RASEF: variants seen among roughly 807,000 people sequenced by gnomAD.
The protein encoded by RASEF is ras and EF-hand domain-containing protein.
RASEF carries 68 observed loss-of-function variants against 90.1 expected under a neutral mutation model. That is an observed-to-expected ratio of 0.75 (90% confidence interval 0.62 to 0.92). The LOEUF (loss-of-function observed/expected upper bound fraction) is 0.92, where lower values mean the gene tolerates loss of function less well. Ranked by LOEUF, RASEF falls within the 40% of genes least tolerant of loss-of-function variation. The pLI, the probability that RASEF is intolerant of heterozygous loss-of-function variation, is 0.00. For synonymous variants in RASEF, 331 were observed against 345.2 expected (o/e 0.96, Z 0.46); for missense variants, 949 against 937.2 (o/e 1.01, Z -0.16).
At chr9:83,084,907 AT>A in the RASEF span, among the ~76,000 whole-genome samples, 1 of 152,170 alleles carries the variant, frequency 6.6e-6, no homozygotes, top group Non-Finnish European at 1.5e-5. Context: ...TCTCATCATA[AT>A]TGTTTTGAAC....
chr9:83,211,474 G>A, the RASEF span, among the ~76,000 whole-genome samples: 1 of 152,112 alleles, frequency 6.6e-6, no homozygotes, highest in South Asian at 2.1e-4. Flanking sequence ...CTGTAGCAAA[G>A]TCAAAGAACG....
chr9:82,995,537 T>G (rs775458974), intron 14 of RASEF, among the ~76,000 whole-genome samples: 58 of 152,060 alleles, frequency 3.8e-4, no homozygotes, highest in Non-Finnish European at 6.5e-4. Flanking sequence ...CTCGACCTCC[T>G]AGGGCTCAGG....
At chr9:83,064,422 T>C (rs973823239), upstream of RASEF, among the ~76,000 whole-genome samples, 6 of 152,230 alleles carry the variant, frequency 3.9e-5, no homozygotes, top group African/African-American at 1.4e-4. Context: ...TAAGTTGTTA[T>C]TGATTTTGAG....
the RASEF span, among the ~76,000 whole-genome samples, chr9:83,214,322 T>G: frequency 6.6e-6 from 1 of 152,070 alleles, no homozygotes; most frequent in African/African-American, 2.4e-5. Flanking sequence ...GAGGCAGAGG[T>G]TGGAATGAGT....
At chr9:83,023,998 C>T (rs907994920) in intron 2 of RASEF, among the ~76,000 whole-genome samples, 4 of 152,208 alleles carry the variant, frequency 2.6e-5, no homozygotes, top group African/African-American at 9.7e-5. Flanking sequence ...TAGTCCGGGG[C>T]TCCCTCCAGG....
At chr9:83,215,245 C>T in the RASEF span, among the ~76,000 whole-genome samples, 4 of 152,078 alleles carry the variant, frequency 2.6e-5, no homozygotes, top group Non-Finnish European at 5.9e-5. Flanking sequence ...CACATTCATC[C>T]TTCAAGCCCA....
intron 7 of RASEF, among the ~76,000 whole-genome samples, chr9:83,005,848 C>T (rs146442979): frequency 0.01 from 1,548 of 152,324 alleles, 11 homozygotes; most frequent in Middle Eastern, 0.027. Context: ...CCAGTTACCA[C>T]ATTTCAGAGG....
chr9:83,057,533 T>C (rs1318899864), intron 1 of RASEF, among the ~76,000 whole-genome samples: 1 of 152,046 alleles, frequency 6.6e-6, no homozygotes, highest in Non-Finnish European at 1.5e-5. Flanking sequence ...GAGATACAGA[T>C]ACAGACATAA....
chr9:83,042,334 T>G (rs895451632), intron 1 of RASEF, among the ~76,000 whole-genome samples: 2 of 152,152 alleles, frequency 1.3e-5, no homozygotes, highest in African/African-American at 4.8e-5. Flanking sequence ...TGGTGTGTAG[T>G]TTTTTAAGCA....
intron 1 of RASEF, among the ~76,000 whole-genome samples, chr9:83,047,585 A>C (rs1472793846): frequency 6.6e-6 from 1 of 152,194 alleles, no homozygotes; most frequent in African/African-American, 2.4e-5. Flanking sequence ...GGACATCCCA[A>C]TGCATTCACA....
At chr9:83,167,441 C>A in the RASEF span, among the ~76,000 whole-genome samples, 1 of 151,564 alleles carries the variant, frequency 6.6e-6, no homozygotes, top group Non-Finnish European at 1.5e-5. Flanking sequence ...GATGGAGACA[C>A]CAGCACGTTG....
chr9:83,083,786 T>C, the RASEF span, among the ~76,000 whole-genome samples: 3 of 152,126 alleles, frequency 2.0e-5, no homozygotes, highest in Non-Finnish European at 4.4e-5. Context: ...ATTAGAATAA[T>C]AAACTGGTAC....
intron 14 of RASEF, among the ~76,000 whole-genome samples, chr9:82,995,452 CTTT>C (rs985854722): frequency 6.6e-5 from 10 of 152,014 alleles, no homozygotes; most frequent in Non-Finnish European, 1.3e-4. Flanking sequence ...CTTGGGATTC[CTTT>C]TTATTTGAGA....
At chr9:83,025,723 G>A (rs928412540) in intron 2 of RASEF, 52 bp downstream of exon 2, 50 of 1,577,216 alleles carry the variant, frequency 3.2e-5, no homozygotes, top group Non-Finnish European at 4.2e-5. Context: ...ACCCAGGTCA[G>A]AGAGCAAGTT....
At chr9:83,209,993 C>A in the RASEF span, among the ~76,000 whole-genome samples, 1 of 152,154 alleles carries the variant, frequency 6.6e-6, no homozygotes, top group African/African-American at 2.4e-5. Flanking sequence ...CTAAATAACA[C>A]TAAATAGACA....
chr9:83,102,710 G>A, the RASEF span, among the ~76,000 whole-genome samples: 2 of 152,160 alleles, frequency 1.3e-5, no homozygotes, highest in Non-Finnish European at 1.5e-5. Flanking sequence ...GGGTAAGCAG[G>A]CTTAAGCTTG....
chr9:83,049,209 C>A (rs1829994934), intron 1 of RASEF: 6 of 553,568 alleles, frequency 1.1e-5, no homozygotes, highest in Non-Finnish European at 1.1e-5. Context: ...TATGAACAAA[C>A]ATAAATCAGA....
At chr9:83,065,201 A>G (rs958417590), upstream of RASEF, among the ~76,000 whole-genome samples, 4 of 152,242 alleles carry the variant, frequency 2.6e-5, no homozygotes, top group Non-Finnish European at 5.9e-5. Flanking sequence ...TTATCACTGC[A>G]TAACAACAGT....
At chr9:83,199,494 G>C in the RASEF span, among the ~76,000 whole-genome samples, 1 of 152,124 alleles carries the variant, frequency 6.6e-6, no homozygotes, top group Non-Finnish European at 1.5e-5. Flanking sequence ...ATCAAATATA[G>C]ACTCAGGAAG....
Sources: allele counts gnomAD v4.1 joint callset (sites outside exome capture counted in the v4.1 genomes callset), GRCh38; gene constraint gnomAD v4.1.1; transcripts MANE v1.5; gene names NCBI Gene and HGNC (gene_info 2026-07-23, HGNC 2026-07-21).